Variants in NWD1 observed in about 807,000 individuals in gnomAD.
NWD1 encodes NACHT domain- and WD repeat-containing protein 1.
Under a neutral mutation model 135.1 loss-of-function variants are expected in NWD1, and 129 were observed. That is an observed-to-expected ratio of 0.96 (90% CI 0.83 to 1.11). The LOEUF is 1.11. Ranked by LOEUF, NWD1 falls within the 50% of genes least tolerant of loss-of-function variation. The probability of loss-of-function intolerance (pLI) is 0.00; values close to 1 mark genes in which losing one functional copy is unlikely to be tolerated. For missense variants in NWD1, 1,740 were observed against 1,851.3 expected (o/e 0.94, Z 1.10); for synonymous variants, 773 against 786.0 (o/e 0.98, Z 0.28).
chr19:16,729,469 G>A (rs1967467273), intron 2 of NWD1, among the ~76,000 whole-genome samples: 1 of 151,668 alleles, frequency 6.6e-6, no homozygotes, highest in African/African-American at 2.4e-5. Flanking sequence ...GCCCTTCTCT[G>A]CCCCTCGATG....
intron 6 of NWD1, among the ~76,000 whole-genome samples, chr19:16,754,619 A>T (rs1011763696): frequency 2.8e-5 from 4 of 142,462 alleles, no homozygotes; most frequent in African/African-American, 1.1e-4. Context: ...TTTATCCATC[A>T]TCTCTATCTT....
chr19:16,754,245 C>A (rs562339697), intron 6 of NWD1, among the ~76,000 whole-genome samples: 1 of 150,848 alleles, frequency 6.6e-6, no homozygotes, highest in East Asian at 2.0e-4. Context: ...TCCATCATCT[C>A]CATCTTCCAT....
chr19:16,738,126 T>A (rs766375295), intron 4 of NWD1: 140 of 392,398 alleles, frequency 3.6e-4, no homozygotes, highest in African/African-American at 1.7e-3. Flanking sequence ...TTACACATTG[T>A]TTAGCCCTGC....
chr19:16,794,426 G>A (rs757464304), intron 14 of NWD1, 37 bp from the exon 15 acceptor site: 20 of 1,239,702 alleles, frequency 1.6e-5, no homozygotes, highest in Middle Eastern at 1.9e-4. Context: ...CCCTTAACCC[G>A]TGGAAGTGCC....
chr19:16,792,503 C>T (rs541922888), intron 14 of NWD1, among the ~76,000 whole-genome samples: 40 of 152,142 alleles, frequency 2.6e-4, no homozygotes, highest in African/African-American at 9.4e-4. Flanking sequence ...ATGAAGAAAC[C>T]TCATCTCTAC....
rs1484689245 is a variant in NWD1, at chr19:16,744,458, C to T, written c.236C>T (p.Pro79Leu). Residue 79 changes from proline to leucine, a missense_variant, in exon 5 of 19, where the codon CCC (proline) becomes CTC (leucine). Physicochemically the swap from Pro to Leu is moderately conservative, Grantham distance 98 (BLOSUM62 -3). Coordinates refer to ENST00000524140, the MANE Select transcript of NWD1 (RefSeq NM_001007525.5). Reference protein sequence around the residue: ...IGDQYGPCLIPSRIDEKEWEV... With the variant: ...IGDQYGPCLILSRIDEKEWEV... ...GATCAGTACGGCCCCTGTCTGATTC[C>T]CTCGCGGATCGATGAGAAGGAGTGG... 1.3e-6 allele frequency: 2 copies of T among 1,535,582 alleles called. No individual in the cohort carries two copies. The highest frequency in any genetic ancestry group is 2.7e-5 in the African/African-American group (2 of 72,996).
At chr19:16,793,297 G>A (rs1432979057) in intron 14 of NWD1, among the ~76,000 whole-genome samples, 2 of 151,914 alleles carry the variant, frequency 1.3e-5, no homozygotes, top group Non-Finnish European at 2.9e-5. Flanking sequence ...GCAGTGGCAC[G>A]ATCATGGCTC....
At chr19:16,748,299 G>C (rs991001466) in intron 5 of NWD1, among the ~76,000 whole-genome samples, 31 of 152,026 alleles carry the variant, frequency 2.0e-4, no homozygotes, top group Admixed American at 6.6e-5. Context: ...ATGGATGTTT[G>C]GATTGTTTCT....
intron 4 of NWD1, among the ~76,000 whole-genome samples, chr19:16,742,586 C>G (rs568686494): frequency 1.3e-5 from 2 of 152,068 alleles, no homozygotes; most frequent in Non-Finnish European, 2.9e-5. Flanking sequence ...CTTAGCCCTG[C>G]TTCACCTCTG....
At chr19:16,740,077 G>A (rs1335149510) in intron 4 of NWD1, among the ~76,000 whole-genome samples, 7 of 151,548 alleles carry the variant, frequency 4.6e-5, no homozygotes, top group East Asian at 3.9e-4. Flanking sequence ...CCGGAGGATC[G>A]TGTGATCCCA....
At chr19:16,744,226 C>T (rs1018910806) in intron 4 of NWD1, among the ~76,000 whole-genome samples, 195 bp from the exon 5 acceptor site, 7 of 151,738 alleles carry the variant, frequency 4.6e-5, no homozygotes, top group Non-Finnish European at 8.8e-5. Context: ...CTATCTGTAC[C>T]GAAAATAAAA....
At chr19:16,751,370 A>G (rs1215900583) in intron 6 of NWD1, among the ~76,000 whole-genome samples, 1 of 151,910 alleles carries the variant, frequency 6.6e-6, no homozygotes. Context: ...AGAAAGAGAG[A>G]GAGAAAGAGG....
intron 15 of NWD1, among the ~76,000 whole-genome samples, chr19:16,796,974 T>A (rs1272274575): frequency 1.3e-5 from 2 of 151,336 alleles, no homozygotes; most frequent in Non-Finnish European, 2.9e-5. Context: ...AGATCAGGAG[T>A]TTGAGACCAG....
At chr19:16,735,520 A>AAAAG (rs367589031) in intron 3 of NWD1, among the ~76,000 whole-genome samples, 15 of 151,446 alleles carry the variant, frequency 9.9e-5, no homozygotes, top group East Asian at 9.8e-4. Context: ...ACCAAAAAAA[A>AAAAG]AAAGAAAGAA....
At position 16,794,667 on chromosome 19, in the gene NWD1, T is replaced by C. The variant is rs545474819; in HGVS notation, c.3304+114T>C. 2.5e-5 allele frequency: 18 copies of C among 710,164 alleles called. 1 individual carries two copies. The highest frequency in any genetic ancestry group is 2.5e-4 in the South Asian group (16 of 63,340). The allele number at this position is 710,164 out of a possible 1,614,324, so 44.0% of individuals were successfully genotyped here. A position where few individuals can be genotyped will look rare whatever the true frequency, so the allele number is the denominator to read the frequency against. ...CTAGGGCCAGAGGTTAGCAACGTTTTCTGCCAAATGGCCTCATAGTAAACA... is the reference window on the plus strand; with the variant it reads ...CTAGGGCCAGAGGTTAGCAACGTTTCCTGCCAAATGGCCTCATAGTAAACA... On this transcript the variant is annotated intron_variant, in intron 15 of 18. Transcript: ENST00000524140.
chr19:16,773,193 G>T lies in NWD1; in HGVS notation c.2478G>T (p.Leu826=). 6.2e-7 allele frequency: 1 copy of T among 1,613,880 alleles called. No individual in the cohort carries two copies. Among genetic ancestry groups the T allele is most frequent in the South Asian group, 1.1e-5 (1 of 91,076 alleles). ...TCTTCGCCACCTCACATCCAGCACT[G>T]GTGGGACAGCTATGCCAACAGGCCC... ...LHFFATSHPA[L]VGQLCQQAQS... Residue 826 remains leucine (L), a synonymous_variant, in exon 11 of 19, where the codon CTG becomes CTT. Coordinates refer to ENST00000524140, the MANE Select transcript of NWD1 (RefSeq NM_001007525.5).
chr19:16,733,684 A>G (rs1363249041), intron 3 of NWD1, among the ~76,000 whole-genome samples: 2 of 152,148 alleles, frequency 1.3e-5, no homozygotes, highest in Non-Finnish European at 2.9e-5. Flanking sequence ...TGTCAAAGGC[A>G]CTATGGAAGC....
At chr19:16,776,109 T>C (rs1416923720) in intron 11 of NWD1, among the ~76,000 whole-genome samples, 2 of 152,186 alleles carry the variant, frequency 1.3e-5, no homozygotes, top group Non-Finnish European at 2.9e-5. Context: ...ATGATGTCTG[T>C]CATGGCACAG....
intron 18 of NWD1, chr19:16,812,895 G>A: frequency 1.3e-6 from 1 of 780,402 alleles, no homozygotes; most frequent in Non-Finnish European, 2.4e-6. Context: ...TCGATCTGGA[G>A]AGAAAAGGCT....
Sources: allele counts gnomAD v4.1 joint callset (sites outside exome capture counted in the v4.1 genomes callset), GRCh38; gene constraint gnomAD v4.1.1; transcripts MANE v1.5; gene names NCBI Gene and HGNC (gene_info 2026-07-23, HGNC 2026-07-21).